Variants in FLNB observed in about 807,000 individuals in gnomAD.
FLNB encodes the protein filamin-B.
FLNB carries 111 observed loss-of-function variants against 250.6 expected under a neutral mutation model. That is an observed-to-expected ratio of 0.44 (90% CI 0.38 to 0.52). The LOEUF (loss-of-function observed/expected upper bound fraction) is 0.52. Among genes scored for constraint, FLNB ranks in the 20% least tolerant of loss-of-function variants. The pLI, the probability that FLNB is intolerant of heterozygous loss-of-function variation, is 0.00. For missense variants in FLNB, 2,869 were observed against 3,447.8 expected (o/e 0.83, Z 4.20); for synonymous variants, 1,302 against 1,372.1 (o/e 0.95, Z 1.13).
Position 58,168,566 on chromosome 3 carries a change from A to G in FLNB, c.7325A>G (p.Tyr2442Cys). The change falls in exon 44 of 46, where the codon TAC (tyrosine) becomes TGC (cysteine). Residue 2442 changes from tyrosine (Y) to cysteine (C), a missense_variant. Coordinates refer to ENST00000295956, the MANE Select transcript of FLNB (RefSeq NM_001457.4). Reference protein sequence around the residue: ...QETPEGYKVMYTPMAPGNYLI... With the variant: ...QETPEGYKVMCTPMAPGNYLI... ...ACACCTGAAGGGTACAAAGTCATGT[A>G]CACCCCCATGGCTCCTGGTAACTAC... 1 of 1,614,114 alleles carries G rather than the reference A, an allele frequency of 6.2e-7. No individual in the cohort carries two copies. The highest frequency in any genetic ancestry group is 1.1e-5 in the South Asian group (1 of 91,084).
At chr3:58,146,455 G>A (rs1014015344) in intron 33 of FLNB, among the ~76,000 whole-genome samples, 3 of 152,172 alleles carry the variant, frequency 2.0e-5, no homozygotes, top group Non-Finnish European at 2.9e-5. Flanking sequence ...TGGGATTTCC[G>A]TGATGGCAGC....
At chr3:58,043,141 CTTTTTTT>C (rs58727890) in intron 1 of FLNB, among the ~76,000 whole-genome samples, 2 of 102,006 alleles carry the variant, frequency 2.0e-5, no homozygotes, top group Non-Finnish European at 3.7e-5. Context: ...TTTGGCATTC[CTTTTTTT>C]TTTTTTTTTT....
chr3:58,164,030 C>T lies in FLNB; in HGVS notation c.7198+700C>T, dbSNP rs2097366335. On this transcript the variant is annotated intron_variant, in intron 43 of 45. Coordinates refer to ENST00000295956, the MANE Select transcript of FLNB (RefSeq NM_001457.4). The surrounding 1 kb of genome is among the most constrained non-coding windows in gnomAD (Gnocchi z 4.0). ...AAGGGAGGACCTTCACCCTGTCTGT[C>T]ATCTCATTGTCTGTCTTCATTCTTG... 6.6e-6 allele frequency: 1 copy of T among 152,332 alleles called. No homozygotes were observed. The highest frequency in any genetic ancestry group is 2.4e-5 in the African/African-American group (1 of 41,442). The allele number at this position is 152,332 out of a possible 1,614,324, so 9.4% of individuals were successfully genotyped here.
intron 1 of FLNB, among the ~76,000 whole-genome samples, chr3:58,052,423 AG>A (rs2097163949): frequency 6.6e-6 from 1 of 152,122 alleles, no homozygotes; most frequent in Non-Finnish European, 1.5e-5. Context: ...GTCCCCTCTG[AG>A]GTCTTCTCTC....
intron 1 of FLNB, among the ~76,000 whole-genome samples, chr3:58,069,167 C>T (rs2097190434): frequency 6.7e-6 from 1 of 150,004 alleles, no homozygotes; most frequent in Non-Finnish European, 1.5e-5. Flanking sequence ...AGGGGCCAGA[C>T]CCCTGACCCA....
chr3:58,150,041 G>A, intron 37 of FLNB, 39 bp downstream of exon 37: 2 of 1,614,276 alleles, frequency 1.2e-6, no homozygotes, highest in South Asian at 1.1e-5. Context: ...GGATGCTTGG[G>A]TTTTCTGTAA....
chr3:58,096,330 T>C, intron 6 of FLNB, 112 bp downstream of exon 6: 1 of 799,218 alleles, frequency 1.3e-6, no homozygotes, highest in Non-Finnish European at 2.1e-6. Flanking sequence ...TCCTTTCTGA[T>C]TATAGAAGGA....
intron 42 of FLNB, among the ~76,000 whole-genome samples, chr3:58,160,825 AG>A (rs1456355201): frequency 6.6e-6 from 1 of 151,816 alleles, no homozygotes. Context: ...TACAAAAAAA[AG>A]TAAAAAAAAA....
chr3:58,136,066 C>T lies in FLNB; in HGVS notation c.4759C>T (p.Arg1587Cys), dbSNP rs1383300466. 9 of 1,614,076 alleles carry T rather than the reference C, an allele frequency of 5.6e-6. No homozygotes were observed. Among genetic ancestry groups the T allele is most frequent in the South Asian group, 1.1e-5 (1 of 91,094 alleles). Residue 1587 changes from arginine (R) to cysteine (C), a missense_variant, in exon 28 of 46, where the codon CGC (arginine) becomes TGC (cysteine). Coordinates refer to ENST00000295956, the MANE Select transcript of FLNB (RefSeq NM_001457.4). The stretch of plus-strand genomic sequence containing the variant: ...CACCTACATCCCCGACAAGACTGGG[C>T]GCTATATGATTGGAGTCACCTACGG... Reference protein sequence around the residue: ...AVTYIPDKTGRYMIGVTYGGD... With the variant: ...AVTYIPDKTGCYMIGVTYGGD...
intron 1 of FLNB, among the ~76,000 whole-genome samples, chr3:58,049,637 G>A (rs1178176597): frequency 1.3e-5 from 2 of 152,206 alleles, no homozygotes; most frequent in African/African-American, 2.4e-5. Flanking sequence ...TCTTGCCTGT[G>A]TGCAGCCCCC....
intron 1 of FLNB, among the ~76,000 whole-genome samples, chr3:58,068,978 C>A (rs1178883038): frequency 1.3e-5 from 2 of 151,592 alleles, no homozygotes; most frequent in African/African-American, 4.9e-5. Context: ...GGAACCCTGT[C>A]TCTATAAAAA....
intron 38 of FLNB, 29 bp from the exon 39 acceptor site, chr3:58,153,346 C>G: frequency 6.2e-7 from 1 of 1,614,060 alleles, no homozygotes; most frequent in East Asian, 2.2e-5. Context: ...TAACCCTCTT[C>G]TCTCCCCCAA....
At chr3:58,110,811 T>G (rs987867430) in intron 16 of FLNB, among the ~76,000 whole-genome samples, 2 of 152,192 alleles carry the variant, frequency 1.3e-5, no homozygotes, top group African/African-American at 4.8e-5. Context: ...GCTCCTGACC[T>G]CAGGCCCACC....
chr3:58,074,027 C>T (rs779400533), intron 1 of FLNB, among the ~76,000 whole-genome samples: 8 of 152,152 alleles, frequency 5.3e-5, no homozygotes, highest in South Asian at 4.1e-4. Context: ...AGTAATAGCC[C>T]GTCACCTCTG....
intron 1 of FLNB, among the ~76,000 whole-genome samples, chr3:58,031,753 A>T (rs547220570): frequency 6.6e-6 from 1 of 151,742 alleles, no homozygotes; most frequent in South Asian, 2.1e-4. Context: ...CATGTTGCCC[A>T]GGCTGGTCTC....
intron 18 of FLNB, among the ~76,000 whole-genome samples, chr3:58,112,903 A>G (rs1252292982): frequency 6.6e-6 from 1 of 152,228 alleles, no homozygotes; most frequent in Non-Finnish European, 1.5e-5. Flanking sequence ...TACAAAATGC[A>G]GGATTTCACA....
At chr3:58,088,098 A>G (rs1344458480) in intron 4 of FLNB, among the ~76,000 whole-genome samples, 2 of 138,656 alleles carry the variant, frequency 1.4e-5, no homozygotes, top group Non-Finnish European at 3.0e-5. Flanking sequence ...TTGGAGTGCA[A>G]TGGTATGATC....
At chr3:58,056,102 T>C (rs980743520) in intron 1 of FLNB, among the ~76,000 whole-genome samples, 2 of 130,308 alleles carry the variant, frequency 1.5e-5, no homozygotes, top group Non-Finnish European at 3.0e-5. Context: ...TATTTATTTA[T>C]TTATTTTTTT....
At position 58,108,582 on chromosome 3, in the gene FLNB, G is replaced by A; in HGVS notation, c.2055+11G>A. Reference sequence around the variant, plus strand: ...AAGATATTTGCTCAGGTAAATTTCAGGGGGCCACCTGTGCAGGTAATTGTC... The same window carrying A: ...AAGATATTTGCTCAGGTAAATTTCAAGGGGCCACCTGTGCAGGTAATTGTC... On this transcript the variant is annotated intron_variant, in intron 13 of 45. Coordinates refer to ENST00000295956, the MANE Select transcript of FLNB (RefSeq NM_001457.4). 6.5e-7 allele frequency: 1 copy of A among 1,544,282 alleles called. No homozygotes were observed. Among genetic ancestry groups the A allele is most frequent in the Non-Finnish European group, 9.0e-7 (1 of 1,116,340 alleles).
Sources: allele counts gnomAD v4.1 joint callset (sites outside exome capture counted in the v4.1 genomes callset), GRCh38; gene constraint gnomAD v4.1.1; non-coding constraint Gnocchi (gnomAD v3.1); transcripts MANE v1.5; gene names NCBI Gene and HGNC (gene_info 2026-07-23, HGNC 2026-07-21).